The following GBF1 variants were observed in gnomAD, a reference collection of about 807,000 sequenced individuals.
The protein encoded by GBF1 is Golgi-specific brefeldin A-resistance guanine nucleotide exchange factor 1.
Under a neutral mutation model 210.5 loss-of-function variants are expected in GBF1, and 114 were observed. The observed-to-expected ratio is 0.54, with a 90% CI of 0.47 to 0.63. The LOEUF (loss-of-function observed/expected upper bound fraction) is 0.63, where lower values mean the gene tolerates loss of function less well. Ranked by LOEUF, GBF1 falls within the 30% of genes least tolerant of loss-of-function variation. The pLI is 0.00. For synonymous variants in GBF1, 850 were observed against 889.2 expected, an observed-to-expected ratio of 0.96 and a Z score of 0.78; for missense variants, 1,851 against 2,357.7, an observed-to-expected ratio of 0.79 and a Z score of 4.45.
At chr10:102,358,789 C>A in intron 10 of GBF1, 60 bp downstream of exon 10, 2 of 1,084,178 alleles carry the variant, frequency 1.8e-6, no homozygotes, top group South Asian at 1.4e-5. Context: ...TGGCTTGATC[C>A]TTTGGATCCT....
At chr10:102,267,403 G>A (rs1589424420) in intron 3 of GBF1, among the ~76,000 whole-genome samples, 1 of 152,198 alleles carries the variant, frequency 6.6e-6, no homozygotes, top group Non-Finnish European at 1.5e-5. Context: ...TACTCAGGAG[G>A]CTGAAGCAGG....
chr10:102,293,894 C>CA (rs1314875024), intron 3 of GBF1, among the ~76,000 whole-genome samples: 2 of 150,584 alleles, frequency 1.3e-5, no homozygotes, highest in Non-Finnish European at 3.0e-5. Context: ...TCTCCTGCCT[C>CA]AGCTTCCCGA....
intron 32 of GBF1, 38 bp from the exon 33 acceptor site, chr10:102,376,897 T>A (rs2060532895): frequency 6.2e-7 from 1 of 1,609,224 alleles, no homozygotes; most frequent in South Asian, 1.1e-5. Flanking sequence ...TATGCCTATA[T>A]AGACACAGAA....
chr10:102,350,721 T>C (rs1416754012), intron 4 of GBF1, among the ~76,000 whole-genome samples: 1 of 152,120 alleles, frequency 6.6e-6, no homozygotes, highest in Non-Finnish European at 1.5e-5. Context: ...ATCAAAACTT[T>C]GTGGTATGGG....
intron 5 of GBF1, among the ~76,000 whole-genome samples, 158 bp downstream of exon 5, chr10:102,351,532 G>A (rs1419888282): frequency 6.6e-6 from 1 of 152,186 alleles, no homozygotes; most frequent in Non-Finnish European, 1.5e-5. Context: ...CAAAGTAAAA[G>A]CTTTTTCTAA....
chr10:102,360,948 G>A (rs932569752), intron 12 of GBF1, 74 bp from the exon 13 acceptor site: 9 of 782,220 alleles, frequency 1.2e-5, no homozygotes, highest in Admixed American at 3.9e-5. Context: ...GCACTCCAGC[G>A]TGGGCAACAG....
At chr10:102,311,446 T>C (rs183998642) in intron 3 of GBF1, among the ~76,000 whole-genome samples, 1 of 152,272 alleles carries the variant, frequency 6.6e-6, no homozygotes, top group African/African-American at 2.4e-5. Context: ...GAAGAGAGAA[T>C]TGAGCCATTT....
chr10:102,253,861 A>G (rs920343900), intron 1 of GBF1, among the ~76,000 whole-genome samples: 13 of 152,240 alleles, frequency 8.5e-5, no homozygotes, highest in Admixed American at 2.0e-4. Context: ...GTAAAGTGGT[A>G]TATCATTATA....
the GBF1 span, chr10:102,232,173 A>G: frequency 5.0e-6 from 4 of 793,296 alleles, no homozygotes; most frequent in African/African-American, 1.7e-5. Flanking sequence ...GTTTCCTCGT[A>G]AATTCCCTGG....
In GBF1 at chr10:102,382,036, C is replaced by T. The variant is rs554401427; in HGVS notation, c.5303-20C>T. ...TACCAACAAGGGAATCTGACTGTAA[C>T]CACCTTGCTTTCCCTACAGACTTTG... is the stretch of plus-strand genomic sequence containing the variant. On this transcript the variant is annotated intron_variant, in intron 39 of 39. Coordinates refer to ENST00000369983, the MANE Select transcript of GBF1 (RefSeq NM_001377137.1). 7.2e-6 allele frequency: 11 copies of T among 1,522,150 alleles called. No individual in the cohort carries two copies. The highest frequency in any genetic ancestry group is 6.6e-5 in the South Asian group (5 of 76,078). 94.3% of individuals were successfully genotyped at this position (1,522,150 alleles called of 1,614,324 possible). A position where few individuals can be genotyped will look rare whatever the true frequency, so the allele number is the denominator to read the frequency against.
intron 3 of GBF1, among the ~76,000 whole-genome samples, chr10:102,291,712 G>A (rs960482293): frequency 6.6e-6 from 1 of 152,236 alleles, no homozygotes; most frequent in South Asian, 2.1e-4. Context: ...GAAAGGCCTT[G>A]CCTGTATCCC....
chr10:102,358,725 T>A lies in GBF1; in HGVS notation c.1007T>A (p.Leu336His). The A allele has an allele frequency of 6.2e-7, 1 of 1,602,566 alleles. No individual in the cohort carries two copies. Among genetic ancestry groups the A allele is most frequent in the East Asian group, 2.2e-5 (1 of 44,820 alleles). Reference protein sequence around the residue: ...SELGVPEQPDLQQEGTHVEKS... With the variant: ...SELGVPEQPDHQQEGTHVEKS... ...CTAGGTGTTCCCGAGCAGCCTGACC[T>A]CCAGGTATGGCTTTGATTTTTAATG... The change falls in exon 10 of 40, where the codon CTC (leucine) becomes CAC (histidine). Residue 336 changes from leucine to histidine, a missense_variant. Leu to His is a moderately conservative substitution (Grantham distance 99, BLOSUM62 -3). This residue lies in a region of GBF1 where 804 missense variants were observed against 958.6 expected (regional missense o/e 0.84). Transcript: ENST00000369983.
At chr10:102,361,001 C>T (rs1360753261) in intron 12 of GBF1, 21 bp from the exon 13 acceptor site, 1 of 1,211,690 alleles carries the variant, frequency 8.3e-7, no homozygotes, top group African/African-American at 1.5e-5. Context: ...AACTCATGGC[C>T]TACCCTGCTC....
At chr10:102,255,026 T>G (rs2072139762) in intron 1 of GBF1, among the ~76,000 whole-genome samples, 1 of 151,996 alleles carries the variant, frequency 6.6e-6, no homozygotes, top group Admixed American at 6.6e-5. Flanking sequence ...TGAAAATAAT[T>G]CCTCTTCATT....
chr10:102,255,326 C>A (rs1276760864), intron 1 of GBF1, among the ~76,000 whole-genome samples: 1 of 152,146 alleles, frequency 6.6e-6, no homozygotes, highest in Non-Finnish European at 1.5e-5. Context: ...TAGGCGTGAA[C>A]CACTGCGCCC....
chr10:102,369,741 A>G lies in GBF1; in HGVS notation c.3181A>G (p.Ile1061Val). Residue 1061 changes from isoleucine (I) to valine (V), a missense_variant, in exon 25 of 40, where the codon ATC becomes GTC. Physicochemically the swap from Ile to Val is conservative, Grantham distance 29. Around this residue, in one of 3 missense-constraint regions of GBF1, gnomAD observed 967 missense variants for 1,247.7 expected, o/e 0.78. Transcript: ENST00000369983. ...AGATTTCGTGGATCCCAATGGCAAGATCTCTCTACAGCGGGAAGAGACACC... is the reference window on the plus strand; with the variant it reads ...AGATTTCGTGGATCCCAATGGCAAGGTCTCTCTACAGCGGGAAGAGACACC... ...VEDFVDPNGK[I>V]SLQREETPSN... 6.2e-7 allele frequency: 1 copy of G among 1,614,148 alleles called. No individual in the cohort carries two copies. The highest frequency in any genetic ancestry group is 8.5e-7 in the Non-Finnish European group (1 of 1,179,966).
chr10:102,349,699 C>G (rs978913315), intron 4 of GBF1, among the ~76,000 whole-genome samples: 4 of 152,148 alleles, frequency 2.6e-5, no homozygotes, highest in Non-Finnish European at 4.4e-5. Flanking sequence ...TAGGCTCCCC[C>G]TTTAGAACTA....
Position 102,375,417 on chromosome 10 carries a change from G to A in GBF1, c.3719G>A (p.Ser1240Asn). 1 of 1,613,916 alleles carries A rather than the reference G, an allele frequency of 6.2e-7. No individual in the cohort carries two copies. The highest frequency in any genetic ancestry group is 8.5e-7 in the Non-Finnish European group (1 of 1,179,816). Residue 1240 changes from serine to asparagine, a missense_variant, in exon 30 of 40, where the codon AGC becomes AAC. By Grantham distance (46) the Ser-to-Asn change is conservative. This residue lies in a region of GBF1 where 967 missense variants were observed against 1,247.7 expected (regional missense o/e 0.78). Transcript: ENST00000369983. ...AAGCCCAGTGTGCTATCCCGAGTCA[G>A]CCACCAGGTTGCGTATGGGCTCCAT... is the stretch of plus-strand genomic sequence containing the variant. ...LMKPSVLSRV[S>N]HQVAYGLHEL...
intron 3 of GBF1, among the ~76,000 whole-genome samples, chr10:102,318,405 G>A (rs1054922115): frequency 1.3e-5 from 2 of 149,424 alleles, no homozygotes; most frequent in Non-Finnish European, 3.0e-5. Flanking sequence ...TGCCAAGGCT[G>A]GTCTTGAACT....
Sources: gnomAD v4.1 joint callset for allele counts (sites outside exome capture counted in the v4.1 genomes callset) on GRCh38, gnomAD v4.1.1 for gene constraint, gnomAD v4.1.1 regional missense constraint, MANE v1.5 for transcripts, NCBI Gene and HGNC (gene_info 2026-07-23, HGNC 2026-07-21) for gene names.